Variants in PEX14 observed in about 807,000 individuals in gnomAD.
The protein encoded by PEX14 is peroxisomal biogenesis factor 14.
A neutral mutation model predicts 49.5 loss-of-function variants in PEX14; 15 were observed. The ratio of observed to expected loss-of-function variants is 0.30; its 90% CI spans 0.20 to 0.47. The LOEUF (loss-of-function observed/expected upper bound fraction) is 0.47. Among genes scored for constraint, PEX14 ranks in the 20% least tolerant of loss-of-function variants. The pLI, the probability that PEX14 is intolerant of heterozygous loss-of-function variation, is 1.00. For missense variants in PEX14, 398 were observed against 494.8 expected (o/e 0.80, Z 1.86); for synonymous variants, 210 against 212.7 (o/e 0.99, Z 0.11).
intron 3 of PEX14, among the ~76,000 whole-genome samples, chr1:10,579,271 A>G (rs1396098965): frequency 6.6e-6 from 1 of 152,190 alleles, no homozygotes; most frequent in Non-Finnish European, 1.5e-5. Flanking sequence ...AAGACACTTT[A>G]TCTAGAATTC....
intron 3 of PEX14, among the ~76,000 whole-genome samples, chr1:10,594,944 T>C (rs1369349737): frequency 6.6e-6 from 1 of 152,106 alleles, no homozygotes; most frequent in Non-Finnish European, 1.5e-5. Flanking sequence ...TAGGCAAGTG[T>C]GGCAGCCCTG....
chr1:10,563,329 G>T (rs1283451369), intron 3 of PEX14, among the ~76,000 whole-genome samples: 2 of 151,208 alleles, frequency 1.3e-5, no homozygotes, highest in Non-Finnish European at 2.9e-5. Context: ...GCCGGGCGCG[G>T]TTGCTCACGC....
At position 10,583,351 on chromosome 1, in the gene PEX14, C is replaced by T. The variant is rs191795531; in HGVS notation, c.170-15887C>T. Reference sequence around the variant, plus strand: ...CCTCCTGCTTCAGCCTCCCTAGTAGCTGAGACTACAAATATACACCATTGC... The same window carrying T: ...CCTCCTGCTTCAGCCTCCCTAGTAGTTGAGACTACAAATATACACCATTGC... On this transcript the variant is annotated intron_variant, in intron 3 of 8. Coordinates refer to ENST00000356607, the MANE Select transcript of PEX14 (RefSeq NM_004565.3). Among the ~76,000 whole-genome samples the T allele has an allele frequency of 1.7e-3, 253 of 149,254 alleles. 1 individual carries two copies. The highest frequency in any genetic ancestry group is 2.0e-3 in the Non-Finnish European group (133 of 67,552).
chr1:10,493,389 G>A (rs1201372439), intron 1 of PEX14, among the ~76,000 whole-genome samples: 2 of 152,146 alleles, frequency 1.3e-5, no homozygotes, highest in Non-Finnish European at 2.9e-5. Flanking sequence ...TGAAGTGATG[G>A]CAGTAGAGAT....
chr1:10,588,229 A>G (rs1325135806), intron 3 of PEX14, among the ~76,000 whole-genome samples: 1 of 152,090 alleles, frequency 6.6e-6, no homozygotes, highest in African/African-American at 2.4e-5. Context: ...CAAAAAAAAA[A>G]AGACATGGAG....
intron 4 of PEX14, among the ~76,000 whole-genome samples, chr1:10,611,978 G>A (rs541139856): frequency 6.6e-6 from 1 of 152,216 alleles, no homozygotes; most frequent in East Asian, 1.9e-4. Context: ...AAAAGCAAAA[G>A]CTTTAAATTT....
chr1:10,602,228 C>T (rs1285777435), intron 4 of PEX14, among the ~76,000 whole-genome samples: 1 of 152,112 alleles, frequency 6.6e-6, no homozygotes. Flanking sequence ...ATAAAATACA[C>T]ATTCTTAGAC....
chr1:10,559,468 A>G (rs997004321), intron 3 of PEX14, among the ~76,000 whole-genome samples: 1 of 152,196 alleles, frequency 6.6e-6, no homozygotes, highest in Admixed American at 6.5e-5. Context: ...GAAAAGCTGA[A>G]AGGCATTGGA....
intron 1 of PEX14, among the ~76,000 whole-genome samples, chr1:10,482,248 C>T (rs576483063): frequency 3.3e-5 from 5 of 152,124 alleles, no homozygotes; most frequent in Admixed American, 6.6e-5. Context: ...TCTGCCTCAG[C>T]CTCCTGAGTA....
Position 10,614,384 on chromosome 1 carries a change from A to C in PEX14, c.299-3948A>C, listed in dbSNP as rs75822126. On this transcript the variant is annotated intron_variant, in intron 4 of 8. Transcript: ENST00000356607. ...GCAATAAAATGTTCTTAACGTGAGC[A>C]TGGCAGGAATGAGGAGCGGTGAGGG... is the stretch of plus-strand genomic sequence containing the variant. 1.0e-3 allele frequency among the ~76,000 whole-genome samples: 155 copies of C among 152,302 alleles called. 1 individual carries two copies. In the East Asian group the frequency reaches 0.029, roughly 28 times the overall value.
intron 3 of PEX14, among the ~76,000 whole-genome samples, chr1:10,581,715 AT>A (rs1157570433): frequency 6.7e-6 from 1 of 150,050 alleles, no homozygotes; most frequent in Non-Finnish European, 1.5e-5. Flanking sequence ...TTATAAAATA[AT>A]TTATAAGTTT....
chr1:10,558,753 A>AAAG (rs1553190039), intron 3 of PEX14, among the ~76,000 whole-genome samples: 5 of 151,580 alleles, frequency 3.3e-5, no homozygotes, highest in African/African-American at 1.2e-4. Flanking sequence ...AAAAAAAAAA[A>AAAG]AAAGAAAGAA....
At chr1:10,572,818 G>A (rs1166656839) in intron 3 of PEX14, among the ~76,000 whole-genome samples, 9 of 152,200 alleles carry the variant, frequency 5.9e-5, no homozygotes. Flanking sequence ...TTACAGGCGT[G>A]AGCTACCGCG....
At chr1:10,562,145 G>T (rs1240249023) in intron 3 of PEX14, among the ~76,000 whole-genome samples, 1 of 152,006 alleles carries the variant, frequency 6.6e-6, no homozygotes, top group Non-Finnish European at 1.5e-5. Context: ...TCTCCCCTGC[G>T]CACTGCCCCC....
intron 1 of PEX14, among the ~76,000 whole-genome samples, chr1:10,484,330 G>T (rs532482893): frequency 1.1e-4 from 16 of 151,598 alleles, no homozygotes; most frequent in African/African-American, 3.7e-4. Flanking sequence ...GAGTCACTGC[G>T]TCCAGCCAAT....
chr1:10,569,385 A>G (rs1009199023), intron 3 of PEX14, among the ~76,000 whole-genome samples: 8 of 152,186 alleles, frequency 5.3e-5, no homozygotes, highest in African/African-American at 1.9e-4. Context: ...CCTCGGCACC[A>G]TCAAAGACAT....
chr1:10,618,435 G>T lies in PEX14; in HGVS notation c.384+18G>T, dbSNP rs747804879. 7 of 1,582,016 alleles carry T rather than the reference G, an allele frequency of 4.4e-6. No homozygotes were observed. Among genetic ancestry groups the T allele is most frequent in the Non-Finnish European group, 5.2e-6 (6 of 1,152,478 alleles). On this transcript the variant is annotated intron_variant, in intron 5 of 8. Transcript: ENST00000356607. ...TCTACAAGGTGAGTCACCCCCAGCG[G>T]CTGCAGGTGCTGTGCCCCTGCCACC...
At position 10,579,522 on chromosome 1, in the gene PEX14, G is replaced by A. The variant is rs142684680; in HGVS notation, c.170-19716G>A. 1.1e-3 allele frequency among the ~76,000 whole-genome samples: 174 copies of A among 152,116 alleles called. 1 individual carries two copies. The highest frequency in any genetic ancestry group is 4.0e-3 in the African/African-American group (164 of 41,488). ...AAGAAAGAATTCTGGGCGAGTCTGCGGTGCAAAGTGAAAGCAAGGTTATTA... is the reference window on the plus strand; with the variant it reads ...AAGAAAGAATTCTGGGCGAGTCTGCAGTGCAAAGTGAAAGCAAGGTTATTA... On this transcript the variant is annotated intron_variant, in intron 3 of 8. Transcript: ENST00000356607.
chr1:10,499,626 T>C (rs1267957926), intron 2 of PEX14, among the ~76,000 whole-genome samples: 1 of 152,008 alleles, frequency 6.6e-6, no homozygotes, highest in Non-Finnish European at 1.5e-5. Flanking sequence ...TTTTTGTATT[T>C]TTAGTGGAGA....
Sources: allele counts gnomAD v4.1 joint callset (sites outside exome capture counted in the v4.1 genomes callset), GRCh38; gene constraint gnomAD v4.1.1; transcripts MANE v1.5; gene names NCBI Gene and HGNC (gene_info 2026-07-23, HGNC 2026-07-21).